Variants in CNTNAP5 observed in about 807,000 individuals in gnomAD.
CNTNAP5 encodes contactin associated protein family member 5, also known as contactin-associated protein-like 5.
CNTNAP5 carries 72 observed loss-of-function variants against 150.2 expected under a neutral mutation model. The ratio of observed to expected loss-of-function variants is 0.48; its 90% CI spans 0.40 to 0.58. The LOEUF is 0.58. CNTNAP5 is among the 20% of genes least tolerant of loss of function. CNTNAP5 has a pLI of 0.00. For synonymous variants in CNTNAP5, 672 were observed against 619.8 expected (o/e 1.08, Z -1.25); for missense variants, 1,636 against 1,626.2 (o/e 1.01, Z -0.10).
intron 13 of CNTNAP5, among the ~76,000 whole-genome samples, chr2:124,687,991 T>C (rs1679227340): frequency 6.6e-6 from 1 of 152,118 alleles, no homozygotes; most frequent in Non-Finnish European, 1.5e-5. Flanking sequence ...ATGAAACTCC[T>C]GTAGTCATCA....
chr2:124,358,246 C>T (rs2104710711), intron 3 of CNTNAP5, among the ~76,000 whole-genome samples: 1 of 151,890 alleles, frequency 6.6e-6, no homozygotes, highest in East Asian at 1.9e-4. Flanking sequence ...ATGTCATCTG[C>T]AAACAGGGAC....
chr2:124,253,831 A>G (rs1687244361), intron 3 of CNTNAP5, among the ~76,000 whole-genome samples: 1 of 151,846 alleles, frequency 6.6e-6, no homozygotes, highest in South Asian at 2.1e-4. Context: ...CTGTAACTGT[A>G]CTCCATGGAT....
chr2:124,647,860 G>A lies in CNTNAP5; in HGVS notation c.1979G>A (p.Gly660Asp). The A allele has an allele frequency of 6.2e-7, 1 of 1,613,446 alleles. No individual in the cohort carries two copies. The highest frequency in any genetic ancestry group is 1.3e-5 in the African/African-American group (1 of 75,046). The change falls in exon 13 of 24, where the codon GGC becomes GAC. Residue 660 changes from glycine (G) to aspartate (D), a missense_variant. By Grantham distance (94) the Gly-to-Asp change is moderately conservative. Transcript: ENST00000682447. ...TATGCCATGGCCTTGGACTACGGGG[G>A]CAGCATGGAACAGCTGGAGGCCGTG... ...KPYAMALDYGGSMEQLEAVID... is the reference protein window; with the variant it reads ...KPYAMALDYGDSMEQLEAVID...
intron 19 of CNTNAP5, among the ~76,000 whole-genome samples, chr2:124,844,869 T>C (rs1273864271): frequency 3.9e-5 from 6 of 152,112 alleles, no homozygotes; most frequent in African/African-American, 1.4e-4. Context: ...TGGGAGCTTT[T>C]TGGATGAGTC....
chr2:124,607,123 C>T (rs1022130263), intron 11 of CNTNAP5, among the ~76,000 whole-genome samples: 6 of 152,086 alleles, frequency 3.9e-5, no homozygotes, highest in African/African-American at 1.2e-4. Context: ...AGTTGATTAG[C>T]TACCTATTGT....
chr2:124,567,864 GAT>G (rs1491360373), intron 11 of CNTNAP5, among the ~76,000 whole-genome samples: 3 of 142,510 alleles, frequency 2.1e-5, no homozygotes, highest in African/African-American at 5.5e-5. Flanking sequence ...TAGATAGATA[GAT>G]AGATAGATAG....
intron 7 of CNTNAP5, among the ~76,000 whole-genome samples, chr2:124,503,488 A>T (rs767445584): frequency 1.1e-4 from 17 of 151,764 alleles, no homozygotes; most frequent in Non-Finnish European, 2.2e-4. Context: ...TAATCTTCTT[A>T]CTCTTCTTTT....
chr2:124,801,663 G>T (rs1681969894), intron 19 of CNTNAP5, among the ~76,000 whole-genome samples: 1 of 152,154 alleles, frequency 6.6e-6, no homozygotes, highest in Non-Finnish European at 1.5e-5. Flanking sequence ...TTCATTTGCA[G>T]ACTTTGAAAT....
intron 3 of CNTNAP5, among the ~76,000 whole-genome samples, chr2:124,271,422 G>A (rs554364184): frequency 6.6e-6 from 1 of 152,182 alleles, no homozygotes; most frequent in South Asian, 2.1e-4. Context: ...CCTGGAGATG[G>A]GGGTTGGCTA....
intron 1 of CNTNAP5, among the ~76,000 whole-genome samples, chr2:124,103,814 A>T (rs867688101): frequency 3.0e-4 from 44 of 148,234 alleles, no homozygotes; most frequent in African/African-American, 1.1e-3. Context: ...ATATAACTTA[A>T]CCATTATATA....
intron 3 of CNTNAP5, among the ~76,000 whole-genome samples, chr2:124,265,290 C>T (rs986866700): frequency 9.2e-5 from 14 of 152,128 alleles, no homozygotes; most frequent in African/African-American, 3.1e-4. Context: ...TCATTCGCCT[C>T]ATTCCTTGGT....
chr2:124,788,978 A>G (rs541465260), intron 17 of CNTNAP5, among the ~76,000 whole-genome samples: 1 of 152,034 alleles, frequency 6.6e-6, no homozygotes, highest in African/African-American at 2.4e-5. Context: ...CACACAATAG[A>G]TTGATTTTTA....
At chr2:124,844,744 T>C (rs1683013416) in intron 19 of CNTNAP5, among the ~76,000 whole-genome samples, 1 of 151,950 alleles carries the variant, frequency 6.6e-6, no homozygotes, top group Non-Finnish European at 1.5e-5. Context: ...GTGAAATGGG[T>C]TGAGATTTTG....
intron 1 of CNTNAP5, among the ~76,000 whole-genome samples, chr2:124,064,184 T>C (rs17212115): frequency 0.29 from 44,538 of 151,942 alleles, 6,845 homozygotes; most frequent in Admixed American, 0.37. Context: ...AATCCCCCTG[T>C]ATTAAGTGCA....
intron 4 of CNTNAP5, among the ~76,000 whole-genome samples, chr2:124,425,062 C>T (rs1289185391): frequency 6.6e-6 from 1 of 152,202 alleles, no homozygotes; most frequent in Non-Finnish European, 1.5e-5. Context: ...CTTTATGCAA[C>T]AGTACGTTTC....
At chr2:124,653,150 T>C (rs1006610187) in intron 13 of CNTNAP5, among the ~76,000 whole-genome samples, 2 of 152,170 alleles carry the variant, frequency 1.3e-5, no homozygotes, top group African/African-American at 4.8e-5. Context: ...TAAAAGCCAT[T>C]CCTATTAATT....
intron 13 of CNTNAP5, among the ~76,000 whole-genome samples, chr2:124,683,836 G>T (rs935800955): frequency 1.3e-5 from 2 of 152,078 alleles, no homozygotes; most frequent in East Asian, 3.8e-4. Flanking sequence ...CAAAATGTTA[G>T]GCAACTAACG....
intron 18 of CNTNAP5, among the ~76,000 whole-genome samples, chr2:124,791,274 G>C (rs4561667): frequency 1.3e-5 from 2 of 152,168 alleles, no homozygotes; most frequent in East Asian, 3.9e-4. Context: ...TCCTGAATTA[G>C]TTTGAATTAC....
chr2:124,381,152 G>A (rs1690785364), intron 3 of CNTNAP5, among the ~76,000 whole-genome samples: 1 of 152,164 alleles, frequency 6.6e-6, no homozygotes, highest in African/African-American at 2.4e-5. Flanking sequence ...AAAGTCTGAT[G>A]TAGCTGGGTG....
Sources: allele counts gnomAD v4.1 joint callset (sites outside exome capture counted in the v4.1 genomes callset), GRCh38; gene constraint gnomAD v4.1.1; transcripts MANE v1.5; gene names NCBI Gene and HGNC (gene_info 2026-07-23, HGNC 2026-07-21).